The following ROR2 variants were observed in gnomAD, a reference collection of about 807,000 sequenced individuals.
ROR2 encodes the protein ROR family WNT receptor 2, also known as tyrosine-protein kinase transmembrane receptor ROR2.
A neutral mutation model predicts 74.9 loss-of-function variants in ROR2; 33 were observed. That is an observed-to-expected ratio of 0.44 (90% CI 0.33 to 0.59). ROR2 has a LOEUF of 0.59. Among genes scored for constraint, ROR2 ranks in the 20% least tolerant of loss-of-function variants. ROR2 has a pLI of 0.02. For synonymous variants in ROR2, 586 were observed against 558.7 expected (o/e 1.05, Z -0.69); for missense variants, 1,216 against 1,313.8 (o/e 0.93, Z 1.15).
intron 1 of ROR2, among the ~76,000 whole-genome samples, chr9:91,867,476 G>C (rs944315824): frequency 6.6e-6 from 1 of 152,114 alleles, no homozygotes; most frequent in Non-Finnish European, 1.5e-5. Context: ...TTTCTGAGAC[G>C]TGGACATAGT....
intron 1 of ROR2, among the ~76,000 whole-genome samples, chr9:91,946,128 A>G (rs1197353698): frequency 1.3e-5 from 2 of 152,224 alleles, no homozygotes; most frequent in African/African-American, 4.8e-5. Context: ...TCAACCCAAC[A>G]GTCCCTTCAT....
At chr9:91,729,339 C>A (rs1837156147) in intron 7 of ROR2, among the ~76,000 whole-genome samples, 1 of 152,242 alleles carries the variant, frequency 6.6e-6, no homozygotes. Context: ...CATTGCAGGA[C>A]AGCTTTAAGG....
intron 1 of ROR2, among the ~76,000 whole-genome samples, chr9:91,835,072 G>A (rs955943440): frequency 6.6e-6 from 1 of 152,174 alleles, no homozygotes; most frequent in Non-Finnish European, 1.5e-5. Flanking sequence ...TGATGGAGCT[G>A]AAGATGCCTA....
intron 3 of ROR2, 86 bp from the exon 4 acceptor site, chr9:91,756,187 G>A (rs1160185948): frequency 2.9e-6 from 4 of 1,357,280 alleles, no homozygotes; most frequent in Non-Finnish European, 4.2e-6. Flanking sequence ...TGGCAAACAG[G>A]CTGAAGCCAG....
chr9:91,819,658 C>CTGTGTCTTTCAGTGTT (rs753453917), intron 1 of ROR2, among the ~76,000 whole-genome samples: 30 of 151,790 alleles, frequency 2.0e-4, no homozygotes, highest in Non-Finnish European at 3.5e-4. Context: ...TTCTCTGTGT[C>CTGTGTCTTTCAGTGTT]TGTGTCTTTC....
chr9:91,879,937 T>C (rs1830059700), intron 1 of ROR2, among the ~76,000 whole-genome samples: 1 of 152,018 alleles, frequency 6.6e-6, no homozygotes, highest in South Asian at 2.1e-4. Flanking sequence ...AGGAGGTCAA[T>C]ACTAAGTTTT....
At chr9:91,946,163 G>A (rs148392148) in intron 1 of ROR2, among the ~76,000 whole-genome samples, 420 of 152,276 alleles carry the variant, frequency 2.8e-3, no homozygotes, top group African/African-American at 9.6e-3. Context: ...CCATGCAGCT[G>A]GGGTGCAACC....
chr9:91,945,260 T>G (rs375948360), intron 1 of ROR2, among the ~76,000 whole-genome samples: 2 of 152,214 alleles, frequency 1.3e-5, no homozygotes, highest in African/African-American at 4.8e-5. Context: ...TTAACTTATA[T>G]AGCTGTGTGT....
chr9:91,799,081 G>A (rs925698132), intron 1 of ROR2, among the ~76,000 whole-genome samples: 5 of 152,250 alleles, frequency 3.3e-5, no homozygotes, highest in Admixed American at 2.6e-4. Context: ...CTCTGATTTG[G>A]CATTGTTCCT....
At chr9:91,735,489 T>C (rs1197507069) in intron 5 of ROR2, among the ~76,000 whole-genome samples, 2 of 152,120 alleles carry the variant, frequency 1.3e-5, no homozygotes, top group Non-Finnish European at 2.9e-5. Context: ...CCTGGATCAG[T>C]GCTTGCCAAT....
At chr9:91,849,464 G>A (rs886251844) in intron 1 of ROR2, among the ~76,000 whole-genome samples, 1 of 152,180 alleles carries the variant, frequency 6.6e-6, no homozygotes, top group Admixed American at 6.5e-5. Flanking sequence ...AAGGAAGCCG[G>A]CTAGAAAGAA....
intron 1 of ROR2, among the ~76,000 whole-genome samples, chr9:91,851,496 G>A (rs1445283961): frequency 1.3e-5 from 2 of 152,124 alleles, no homozygotes; most frequent in Non-Finnish European, 2.9e-5. Flanking sequence ...GTAGAGCAAG[G>A]TTCTCACGAT....
intron 1 of ROR2, among the ~76,000 whole-genome samples, chr9:91,878,633 T>C (rs1350487487): frequency 6.6e-6 from 1 of 152,346 alleles, no homozygotes; most frequent in East Asian, 1.9e-4. Context: ...GAAAGCCACT[T>C]GGAGGCTGAA....
intron 4 of ROR2, among the ~76,000 whole-genome samples, chr9:91,744,772 T>C (rs533976418): frequency 1.3e-5 from 2 of 152,330 alleles, no homozygotes; most frequent in South Asian, 4.1e-4. Context: ...TCACATAAGG[T>C]GGCCAGAGGC....
intron 1 of ROR2, among the ~76,000 whole-genome samples, chr9:91,839,852 G>A (rs1326366994): frequency 6.6e-6 from 1 of 152,032 alleles, no homozygotes; most frequent in East Asian, 1.9e-4. Context: ...AGGGTGATCT[G>A]TTTAATACAA....
chr9:91,765,537 A>G (rs578009134), intron 2 of ROR2, among the ~76,000 whole-genome samples: 94 of 152,324 alleles, frequency 6.2e-4, no homozygotes, highest in African/African-American at 2.1e-3. Context: ...GGAATTTCCT[A>G]TAGCATGCTG....
At chr9:91,783,240 A>T (rs1462154599) in intron 1 of ROR2, among the ~76,000 whole-genome samples, 1 of 152,202 alleles carries the variant, frequency 6.6e-6, no homozygotes, top group East Asian at 1.9e-4. Flanking sequence ...ATAAGGGCAC[A>T]TTCTGAGACA....
chr9:91,899,923 C>T (rs899894655), intron 1 of ROR2, among the ~76,000 whole-genome samples: 1 of 152,202 alleles, frequency 6.6e-6, no homozygotes, highest in Non-Finnish European at 1.5e-5. Context: ...CACTCGAACA[C>T]ATACATCCAC....
chr9:91,934,775 C>A (rs766072683), intron 1 of ROR2, among the ~76,000 whole-genome samples: 2 of 152,092 alleles, frequency 1.3e-5, no homozygotes, highest in African/African-American at 4.8e-5. Flanking sequence ...AAAGAGAGTA[C>A]GTGAACCTTA....
Sources: gnomAD v4.1 joint callset for allele counts (sites outside exome capture counted in the v4.1 genomes callset) on GRCh38, gnomAD v4.1.1 for gene constraint, MANE v1.5 for transcripts, NCBI Gene and HGNC (gene_info 2026-07-23, HGNC 2026-07-21) for gene names.